The following CLINT1 variants were observed in gnomAD, a reference collection of about 807,000 sequenced individuals.
The protein encoded by CLINT1 is clathrin interactor 1.
Under a neutral mutation model 70.4 loss-of-function variants are expected in CLINT1, and 15 were observed. The observed-to-expected ratio is 0.21, with a 90% CI of 0.14 to 0.33. The LOEUF is 0.33. Among genes scored for constraint, CLINT1 ranks in the 10% least tolerant of loss-of-function variants. The pLI is 1.00. For missense variants in CLINT1, 615 were observed against 778.1 expected (o/e 0.79, Z 2.49); for synonymous variants, 227 against 254.7 (o/e 0.89, Z 1.04).
chr5:157,821,242 A>G (rs879779901), intron 1 of CLINT1, among the ~76,000 whole-genome samples: 4 of 152,174 alleles, frequency 2.6e-5, no homozygotes, highest in Non-Finnish European at 5.9e-5. Flanking sequence ...ATTATTTTAA[A>G]CCAGTCTGAC....
chr5:157,788,968 GAA>G (rs58634730), intron 11 of CLINT1, among the ~76,000 whole-genome samples: 226 of 95,586 alleles, frequency 2.4e-3, no homozygotes, highest in African/African-American at 5.9e-3. Context: ...CTCCATCTCA[GAA>G]AAAAAAAAAA....
rs528820577 is a variant in CLINT1, at chr5:157,845,124, G to A, written c.41+13806C>T. 4.3e-4 allele frequency among the ~76,000 whole-genome samples: 65 copies of A among 152,252 alleles called. 1 individual carries two copies. In the South Asian group the frequency reaches 0.012, roughly 29 times the overall value. ...AGCACTTTGGGAGGCCAAGGCAGGC[G>A]AATCACTTGAAGTCAGGAGTTCAAG... is the stretch of plus-strand genomic sequence containing the variant. On this transcript the variant is annotated intron_variant, in intron 1 of 11. Transcript: ENST00000411809.
rs1221127066 is a variant in CLINT1, at chr5:157,858,874, T to TCCCCCTC, written c.41+49_41+55dup. On this transcript the variant is annotated intron_variant, in intron 1 of 11. Transcript: ENST00000411809. ...CCCCTAGCCCAAGGCCAGCTCCTTC[T>TCCCCCTC]CCCCCTCCCCCCTCCCCCACGTGGG... 7.3e-6 allele frequency: 7 copies of TCCCCCTC among 957,428 alleles called. No homozygotes were observed. The African/African-American group carries it at 7.4e-5, about 10-fold the overall frequency. The allele number at this position is 957,428 out of a possible 1,614,324, so 59.3% of individuals were successfully genotyped here. A position where few individuals can be genotyped will look rare whatever the true frequency, so the allele number is the denominator to read the frequency against.
intron 4 of CLINT1, among the ~76,000 whole-genome samples, 170 bp from the exon 5 acceptor site, chr5:157,813,397 A>G (rs1468833468): frequency 6.6e-6 from 1 of 152,232 alleles, no homozygotes; most frequent in African/African-American, 2.4e-5. Flanking sequence ...CCTCTTCAGC[A>G]AATTCTAAGT....
chr5:157,810,505 T>C (rs1308000479), intron 5 of CLINT1, among the ~76,000 whole-genome samples: 2 of 152,188 alleles, frequency 1.3e-5, no homozygotes, highest in African/African-American at 2.4e-5. Flanking sequence ...AAACATATGC[T>C]GAGACTGGCG....
At chr5:157,858,115 A>G (rs1753814031) in intron 1 of CLINT1, among the ~76,000 whole-genome samples, 1 of 152,240 alleles carries the variant, frequency 6.6e-6, no homozygotes, top group Non-Finnish European at 1.5e-5. Context: ...TCAGTCTTAA[A>G]GGAAATCAAC....
chr5:157,787,297 T>C lies in CLINT1; in HGVS notation c.*349A>G, dbSNP rs1455518389. The C allele has an allele frequency of 9.9e-6, 2 of 202,378 alleles. No homozygotes were observed. The highest frequency in any genetic ancestry group is 2.0e-5 in the Non-Finnish European group (2 of 100,090). The allele number at this position is 202,378 out of a possible 1,614,324, so 12.5% of individuals were successfully genotyped here. A position where few individuals can be genotyped will look rare whatever the true frequency, so the allele number is the denominator to read the frequency against. ...TCAAGTTCCTCAGGAAAAGAAAGTA[T>C]AAAATTAGAGATTCAAACACATTTA... On this transcript the variant is annotated 3_prime_UTR_variant, in exon 12 of 12. Transcript: ENST00000411809.
intron 3 of CLINT1, among the ~76,000 whole-genome samples, chr5:157,816,452 C>A (rs941650126): frequency 6.6e-6 from 1 of 152,082 alleles, no homozygotes; most frequent in African/African-American, 2.4e-5. Flanking sequence ...GCACACTACT[C>A]TACTATAGAT....
intron 3 of CLINT1, among the ~76,000 whole-genome samples, chr5:157,815,892 T>C (rs1377407790): frequency 1.3e-5 from 2 of 152,238 alleles, no homozygotes; most frequent in Non-Finnish European, 2.9e-5. Context: ...TAGAGTATTA[T>C]AATCCAATGG....
chr5:157,816,641 A>G lies in CLINT1; in HGVS notation c.243+93T>C. 3 of 771,598 alleles carry G rather than the reference A, an allele frequency of 3.9e-6. No individual in the cohort carries two copies. The South Asian group carries it at 5.0e-5, about 13-fold the overall frequency. The allele number at this position is 771,598 out of a possible 1,614,324, so 47.8% of individuals were successfully genotyped here. A position where few individuals can be genotyped will look rare whatever the true frequency, so the allele number is the denominator to read the frequency against. On this transcript the variant is annotated intron_variant, in intron 3 of 11. Transcript: ENST00000411809. ...TTTCGATTATTCTATTCTAGGATTT[A>G]ATATACTTCAAAATCACCTATGTAT...
At chr5:157,803,798 A>G (rs1026020267) in intron 7 of CLINT1, 79 bp from the exon 8 acceptor site, 3 of 990,886 alleles carry the variant, frequency 3.0e-6, no homozygotes, top group African/African-American at 1.6e-5. Flanking sequence ...CTAATTCTCA[A>G]TTTAGACATA....
intron 6 of CLINT1, among the ~76,000 whole-genome samples, chr5:157,808,109 A>G (rs952949238): frequency 7.2e-5 from 11 of 152,112 alleles, no homozygotes; most frequent in Non-Finnish European, 7.4e-5. Context: ...AATACTAAAC[A>G]TTGGGAGGGA....
At chr5:157,838,855 T>TA (rs1226613375) in intron 1 of CLINT1, among the ~76,000 whole-genome samples, 2 of 152,226 alleles carry the variant, frequency 1.3e-5, no homozygotes, top group Non-Finnish European at 2.9e-5. Context: ...TAACTCATTT[T>TA]AAAAAAACAA....
At chr5:157,801,171 T>C (rs1762205319) in intron 8 of CLINT1, among the ~76,000 whole-genome samples, 1 of 152,050 alleles carries the variant, frequency 6.6e-6, no homozygotes. Context: ...TTAGGAACAG[T>C]TTGCAGTTAC....
At chr5:157,803,900 T>C (rs1473815855) in intron 7 of CLINT1, among the ~76,000 whole-genome samples, 181 bp from the exon 8 acceptor site, 1 of 152,202 alleles carries the variant, frequency 6.6e-6, no homozygotes, top group Non-Finnish European at 1.5e-5. Flanking sequence ...CACTTTTAAG[T>C]ACCTCCATTC....
At position 157,787,625 on chromosome 5, in the gene CLINT1, A is replaced by G. The variant is rs2113113069; in HGVS notation, c.*21T>C. On this transcript the variant is annotated 3_prime_UTR_variant, in exon 12 of 12. Transcript: ENST00000411809. ...TGCACAGCTAAAAATTCTTCATTCA[A>G]TCTGCTTCTTTTACAATCTCTTATT... 1 of 1,603,418 alleles carries G rather than the reference A, an allele frequency of 6.2e-7. No individual in the cohort carries two copies. The highest frequency in any genetic ancestry group is 2.2e-5 in the East Asian group (1 of 44,786).
rs188648774 is a variant in CLINT1, at chr5:157,851,658, G to A, written c.41+7272C>T. On this transcript the variant is annotated intron_variant, in intron 1 of 11. Coordinates refer to ENST00000411809, the MANE Select transcript of CLINT1 (RefSeq NM_014666.4). ...GCAGAGATGGCACCATTACACTCCA[G>A]CCTGAGTGACAGAGCAAGACCCCGT... Among the ~76,000 whole-genome samples the A allele has an allele frequency of 8.3e-5, 12 of 143,980 alleles. No individual in the cohort carries two copies. In the East Asian group the frequency reaches 2.4e-3, roughly 29 times the overall value. The allele number at this position is 143,980 out of a possible 152,430, so 94.5% of individuals were successfully genotyped here.
intron 1 of CLINT1, among the ~76,000 whole-genome samples, chr5:157,826,620 A>G (rs558048706): frequency 1.5e-4 from 22 of 148,582 alleles, no homozygotes; most frequent in African/African-American, 5.1e-4. Context: ...GCCAAGTGAC[A>G]TGTTTCCATA....
Position 157,813,068 on chromosome 5 carries a change from C to G in CLINT1, c.512G>C (p.Arg171Thr), listed in dbSNP as rs1448546921. The change falls in exon 5 of 12, where the codon AGA (arginine) becomes ACA (threonine). Residue 171 changes from arginine to threonine, a missense_variant. Transcript: ENST00000411809. The stretch of plus-strand genomic sequence containing the variant: ...AGCTTGTCTTTGATACTCACTGTAT[C>G]TGAATCCTCCAACACTGTCTGAGGA... ...GVSSDSVGGF[R>T]YSERYDPEPK... is the part of the protein sequence containing the mutation. The G allele has an allele frequency of 6.2e-7, 1 of 1,613,492 alleles. No homozygotes were observed. The highest frequency in any genetic ancestry group is 1.7e-5 in the Admixed American group (1 of 59,988).
Sources: allele counts gnomAD v4.1 joint callset (sites outside exome capture counted in the v4.1 genomes callset), GRCh38; gene constraint gnomAD v4.1.1; transcripts MANE v1.5; gene names NCBI Gene and HGNC (gene_info 2026-07-23, HGNC 2026-07-21).